Variants in TNRC6A observed in about 807,000 individuals in gnomAD.
TNRC6A encodes the protein trinucleotide repeat-containing gene 6A protein.
TNRC6A carries 44 observed loss-of-function variants against 221.2 expected under a neutral mutation model. The observed-to-expected ratio is 0.20, with a 90% CI of 0.16 to 0.26. TNRC6A has a LOEUF of 0.26. Ranked by LOEUF, TNRC6A falls within the 10% of genes least tolerant of loss-of-function variation. The pLI is 1.00. For synonymous variants in TNRC6A, 847 were observed against 838.5 expected (o/e 1.01, Z -0.18); for missense variants, 2,199 against 2,404.4 (o/e 0.91, Z 1.79).
intron 2 of TNRC6A, among the ~76,000 whole-genome samples, chr16:24,657,734 A>C (rs2054948593): frequency 1.3e-5 from 2 of 152,124 alleles, no homozygotes; most frequent in Non-Finnish European, 2.9e-5. Flanking sequence ...ATGGAAATAA[A>C]AAATGGAGTT....
At chr16:24,702,175 C>CT (rs1206941252) in intron 2 of TNRC6A, among the ~76,000 whole-genome samples, 227 of 22,268 alleles carry the variant, frequency 0.01, 4 homozygotes, top group African/African-American at 0.017. Context: ...TTTCTTTTTT[C>CT]TTTTTTCTTT....
chr16:24,728,679 T>C (rs189083920), upstream of TNRC6A, among the ~76,000 whole-genome samples: 5 of 152,274 alleles, frequency 3.3e-5, no homozygotes, highest in Non-Finnish European at 2.9e-5. Flanking sequence ...TGTATGTGTA[T>C]TGTTGTATCT....
intron 20 of TNRC6A, among the ~76,000 whole-genome samples, 186 bp downstream of exon 20, chr16:24,817,142 G>A (rs1224934678): frequency 2.0e-5 from 3 of 152,100 alleles, no homozygotes; most frequent in East Asian, 1.9e-4. Flanking sequence ...GAAAGAAAAC[G>A]AAGAAGAAGA....
chr16:24,799,060 A>G (rs1428760681), intron 11 of TNRC6A, among the ~76,000 whole-genome samples: 1 of 152,210 alleles, frequency 6.6e-6, no homozygotes, highest in African/African-American at 2.4e-5. Context: ...ACCAGAGGGC[A>G]TGCTGGTAGA....
At chr16:24,761,622 T>C (rs2057365577) in intron 4 of TNRC6A, among the ~76,000 whole-genome samples, 2 of 152,230 alleles carry the variant, frequency 1.3e-5, no homozygotes, top group South Asian at 4.2e-4. Context: ...CATAGCTCAC[T>C]GCGGCCTTGA....
intron 2 of TNRC6A, among the ~76,000 whole-genome samples, chr16:24,673,459 T>C (rs919896063): frequency 1.3e-5 from 2 of 152,214 alleles, no homozygotes; most frequent in Non-Finnish European, 2.9e-5. Flanking sequence ...CAAGGGGCCA[T>C]GTCCCAGGCA....
intron 2 of TNRC6A, among the ~76,000 whole-genome samples, chr16:24,696,347 C>CAAAA (rs56696667): frequency 1.6e-5 from 2 of 125,594 alleles, no homozygotes; most frequent in Non-Finnish European, 1.7e-5. Context: ...GACTCCATCT[C>CAAAA]AAAAAAAAAA....
rs117283386 is a variant in TNRC6A at position 24,817,925 on chromosome 16, T to A, written c.4973-668T>A. On this transcript the variant is annotated intron_variant, in intron 20 of 24. Coordinates refer to ENST00000395799, the MANE Select transcript of TNRC6A (RefSeq NM_014494.4). Reference sequence around the variant, plus strand: ...TCTGAAAGTCAGTAGAGTTTGAATTTGGTGTTAAAGGAAATAGAACATTGA... The same window carrying A: ...TCTGAAAGTCAGTAGAGTTTGAATTAGGTGTTAAAGGAAATAGAACATTGA... Among the ~76,000 whole-genome samples, 77 of 152,292 alleles carry A rather than the reference T, an allele frequency of 5.1e-4. 2 individuals carry two copies. In the East Asian group the frequency reaches 0.014, roughly 28 times the overall value.
At chr16:24,611,100 CCT>C (rs774927163) in intron 1 of TNRC6A, among the ~76,000 whole-genome samples, 2 of 152,054 alleles carry the variant, frequency 1.3e-5, no homozygotes, top group Non-Finnish European at 2.9e-5. Flanking sequence ...GGCATCAACC[CCT>C]GAGTCCAGCT....
chr16:24,633,484 T>G (rs2141692143), intron 1 of TNRC6A, among the ~76,000 whole-genome samples: 1 of 152,188 alleles, frequency 6.6e-6, no homozygotes, highest in South Asian at 2.1e-4. Context: ...AATCTCCACC[T>G]CCCGGGTTCA....
At chr16:24,812,294 T>C (rs2058562795) in intron 18 of TNRC6A, among the ~76,000 whole-genome samples, 1 of 152,050 alleles carries the variant, frequency 6.6e-6, no homozygotes, top group South Asian at 2.1e-4. Context: ...TCAGGTGATC[T>C]GCCTGCCTCA....
rs564348179 is a variant in TNRC6A, at chr16:24,626,808, C to G, written n.277-14076C>G. ...GGGATTACAGGCACCCACCACCACG[C>G]CCGGCTAATTTTTTTGTACTTTTTA... On this transcript the variant is annotated intron_variant and non_coding_transcript_variant, in intron 1 of 2. Transcript: ENST00000566108. Among the ~76,000 whole-genome samples the G allele has an allele frequency of 3.3e-5, 5 of 151,942 alleles. No individual in the cohort carries two copies. The South Asian group carries it at 1.0e-3, about 32-fold the overall frequency.
intron 2 of TNRC6A, among the ~76,000 whole-genome samples, chr16:24,667,684 C>T (rs1409629008): frequency 1.3e-5 from 2 of 152,132 alleles, no homozygotes; most frequent in East Asian, 1.9e-4. Flanking sequence ...CAATGACTAG[C>T]GCATAGTTAG....
intron 2 of TNRC6A, among the ~76,000 whole-genome samples, chr16:24,713,542 G>A (rs1238151755): frequency 6.6e-6 from 1 of 152,056 alleles, no homozygotes; most frequent in Non-Finnish European, 1.5e-5. Flanking sequence ...TTTCTAATGG[G>A]AAGTCTGCTG....
At chr16:24,801,746 A>T (rs920295152) in intron 11 of TNRC6A, among the ~76,000 whole-genome samples, 2 of 152,188 alleles carry the variant, frequency 1.3e-5, no homozygotes, top group African/African-American at 4.8e-5. Context: ...AAGCGCTGAG[A>T]TTACAAGTGT....
chr16:24,662,488 A>T (rs1479028810), intron 2 of TNRC6A: 1 of 148,760 alleles, frequency 6.7e-6, no homozygotes, highest in African/African-American at 2.6e-5. Flanking sequence ...TGCCTCAGAA[A>T]AAAACAAAAA....
intron 1 of TNRC6A, among the ~76,000 whole-genome samples, chr16:24,612,271 C>T (rs891673241): frequency 3.3e-5 from 5 of 152,100 alleles, no homozygotes; most frequent in Admixed American, 6.6e-5. Flanking sequence ...CAGAATCCGC[C>T]GAGTGACTCG....
intron 1 of TNRC6A, among the ~76,000 whole-genome samples, chr16:24,631,632 C>T (rs1320156706): frequency 1.3e-5 from 2 of 151,928 alleles, no homozygotes; most frequent in South Asian, 2.1e-4. Flanking sequence ...ATTAGCCTGG[C>T]GTGGTGGCGC....
chr16:24,744,501 A>G (rs537610502), intron 2 of TNRC6A, among the ~76,000 whole-genome samples: 17 of 152,230 alleles, frequency 1.1e-4, no homozygotes, highest in East Asian at 9.6e-4. Flanking sequence ...CACTCACTCA[A>G]TCATTCATTC....
Sources: allele counts gnomAD v4.1 joint callset (sites outside exome capture counted in the v4.1 genomes callset), GRCh38; gene constraint gnomAD v4.1.1; transcripts MANE v1.5; gene names NCBI Gene and HGNC (gene_info 2026-07-23, HGNC 2026-07-21).